COL19A1: variants seen among roughly 807,000 people sequenced by gnomAD.
COL19A1 encodes collagen type XIX alpha 1 chain, also known as collagen alpha-1(XIX) chain.
A neutral mutation model predicts 190.2 loss-of-function variants in COL19A1; 159 were observed. That is an observed-to-expected ratio of 0.84 (90% CI 0.73 to 0.95). COL19A1 has a LOEUF of 0.95. Ranked by LOEUF, COL19A1 falls within the 40% of genes least tolerant of loss-of-function variation. The pLI is 0.00. For missense variants in COL19A1, 1,418 were observed against 1,431.9 expected (o/e 0.99, Z 0.16); for synonymous variants, 509 against 458.9 (o/e 1.11, Z -1.39).
At chr6:69,917,984 A>C (rs764671414) in intron 4 of COL19A1, among the ~76,000 whole-genome samples, 2 of 152,148 alleles carry the variant, frequency 1.3e-5, no homozygotes, top group African/African-American at 2.4e-5. Context: ...GTCCCAGGAG[A>C]GGAAACAGGA....
intron 40 of COL19A1, among the ~76,000 whole-genome samples, chr6:70,169,024 GAAAT>G (rs1238636577): frequency 6.6e-6 from 1 of 151,768 alleles, no homozygotes; most frequent in Non-Finnish European, 1.5e-5. Flanking sequence ...TTGTGGAAGA[GAAAT>G]ACTTACTGGA....
At chr6:69,894,670 G>T (rs1422877007) in intron 2 of COL19A1, among the ~76,000 whole-genome samples, 1 of 152,198 alleles carries the variant, frequency 6.6e-6, no homozygotes, top group Non-Finnish European at 1.5e-5. Context: ...GGGAAAACAT[G>T]CAGATATCAA....
At chr6:70,194,745 G>T (rs1767084914) in intron 48 of COL19A1, among the ~76,000 whole-genome samples, 1 of 152,064 alleles carries the variant, frequency 6.6e-6, no homozygotes, top group African/African-American at 2.4e-5. Context: ...ACATCAACAT[G>T]CAGGAAGAAT....
intron 40 of COL19A1, among the ~76,000 whole-genome samples, chr6:70,169,115 A>G (rs1356483496): frequency 2.6e-5 from 4 of 152,096 alleles, no homozygotes; most frequent in Admixed American, 2.6e-4. Flanking sequence ...CGTCTTAGGC[A>G]ATTATTTTGC....
intron 4 of COL19A1, among the ~76,000 whole-genome samples, chr6:69,900,861 A>G (rs751438664): frequency 6.6e-6 from 1 of 152,106 alleles, no homozygotes; most frequent in Non-Finnish European, 1.5e-5. Flanking sequence ...TTTAAAATAG[A>G]TTTACCAAAG....
chr6:70,034,273 G>A lies in COL19A1; in HGVS notation c.1109G>A (p.Gly370Asp). The A allele has an allele frequency of 6.2e-7, 1 of 1,613,150 alleles. No individual in the cohort carries two copies. The highest frequency in any genetic ancestry group is 1.1e-5 in the South Asian group (1 of 91,060). ...NGLKGDLGPH[G>D]PPGPKGEKGD... ...TTGAAAGGTGACTTGGGTCCTCATG[G>A]TCCACCTGGCCCAAAAGGAGAAAAG... Residue 370 changes from glycine to aspartate, a missense_variant, in exon 13 of 51, where the codon GGT becomes GAT. Transcript: ENST00000620364.
intron 13 of COL19A1, 70 bp from the exon 14 acceptor site, chr6:70,035,834 C>T (rs1779323270): frequency 3.1e-6 from 4 of 1,291,550 alleles, no homozygotes; most frequent in Non-Finnish European, 4.5e-6. Context: ...CTTCTATCCA[C>T]CTAGAAATTT....
At chr6:70,173,371 A>G (rs1440922382) in intron 41 of COL19A1, among the ~76,000 whole-genome samples, 1 of 152,234 alleles carries the variant, frequency 6.6e-6, no homozygotes, top group Non-Finnish European at 1.5e-5. Flanking sequence ...AGAAGAGTCA[A>G]GGATTGAGCC....
intron 15 of COL19A1, among the ~76,000 whole-genome samples, chr6:70,081,044 C>A (rs1402795054): frequency 2.0e-5 from 3 of 152,018 alleles, no homozygotes; most frequent in East Asian, 3.9e-4. Flanking sequence ...AATTTAATAT[C>A]AAAAATGGTG....
chr6:70,034,748 A>G (rs776739494), intron 13 of COL19A1, among the ~76,000 whole-genome samples: 5 of 152,236 alleles, frequency 3.3e-5, no homozygotes, highest in Non-Finnish European at 7.3e-5. Context: ...CATGTTGGCA[A>G]TGATCTTGAA....
At chr6:69,968,480 T>C (rs554687571) in intron 11 of COL19A1, among the ~76,000 whole-genome samples, 2 of 152,174 alleles carry the variant, frequency 1.3e-5, no homozygotes, top group African/African-American at 4.8e-5. Flanking sequence ...AGAAATTAGA[T>C]AATCAGACTA....
rs562361732 is a variant in COL19A1 at position 70,148,626 on chromosome 6, G to GT, written c.1894-1077dup. Among the ~76,000 whole-genome samples the GT allele has an allele frequency of 2.2e-4, 34 of 152,196 alleles. No individual in the cohort carries two copies. In the South Asian group the frequency reaches 6.2e-3, roughly 28 times the overall value. On this transcript the variant is annotated intron_variant, in intron 27 of 50. Transcript: ENST00000620364. Reference sequence around the variant, plus strand: ...TGGAAATTAAGCCAAGTAAAAACTTGTATCAGAAAATTATTAGAGGCTGGG... The same window carrying GT: ...TGGAAATTAAGCCAAGTAAAAACTTGTTATCAGAAAATTATTAGAGGCTGGG...
chr6:69,985,874 G>A (rs1458924534), intron 11 of COL19A1, among the ~76,000 whole-genome samples: 1 of 152,018 alleles, frequency 6.6e-6, no homozygotes, highest in Non-Finnish European at 1.5e-5. Flanking sequence ...GCATATTTAA[G>A]GACTTTCCAC....
chr6:70,020,615 C>T (rs1329571245), intron 11 of COL19A1, among the ~76,000 whole-genome samples: 2 of 152,036 alleles, frequency 1.3e-5, no homozygotes, highest in Non-Finnish European at 2.9e-5. Flanking sequence ...TGCTATATAT[C>T]AGTGGTTCTC....
intron 15 of COL19A1, among the ~76,000 whole-genome samples, chr6:70,094,693 G>A (rs185885940): frequency 6.6e-6 from 1 of 152,226 alleles, no homozygotes; most frequent in Admixed American, 6.5e-5. Context: ...TAAGATACAC[G>A]TTCTCTGACA....
At chr6:69,923,349 G>A (rs1381213762) in intron 4 of COL19A1, among the ~76,000 whole-genome samples, 1 of 152,138 alleles carries the variant, frequency 6.6e-6, no homozygotes, top group Non-Finnish European at 1.5e-5. Context: ...GTGAAAACTA[G>A]CTGCCTAGCA....
chr6:69,933,058 C>T (rs890358998), intron 7 of COL19A1, among the ~76,000 whole-genome samples, 195 bp downstream of exon 7: 8 of 152,096 alleles, frequency 5.3e-5, no homozygotes, highest in African/African-American at 1.7e-4. Context: ...AGCATTTCAC[C>T]CTTAATTTTG....
At chr6:69,874,133 G>T (rs1767993514) in intron 1 of COL19A1, among the ~76,000 whole-genome samples, 1 of 152,110 alleles carries the variant, frequency 6.6e-6, no homozygotes, top group African/African-American at 2.4e-5. Context: ...AGAAATCCAG[G>T]GAAGGTACCA....
chr6:70,044,302 CT>C (rs1779791181), intron 14 of COL19A1, among the ~76,000 whole-genome samples: 1 of 152,148 alleles, frequency 6.6e-6, no homozygotes, highest in Non-Finnish European at 1.5e-5. Flanking sequence ...GGCTGTTTTG[CT>C]TTCTTATCAT....
Sources: allele counts gnomAD v4.1 joint callset (sites outside exome capture counted in the v4.1 genomes callset), GRCh38; gene constraint gnomAD v4.1.1; transcripts MANE v1.5; gene names NCBI Gene and HGNC (gene_info 2026-07-23, HGNC 2026-07-21).